The following CCDC74B variants were observed in gnomAD, a reference collection of about 807,000 sequenced individuals.
CCDC74B encodes coiled-coil domain containing 74B, also known as coiled-coil domain-containing protein 74B.
A neutral mutation model predicts 38.0 loss-of-function variants in CCDC74B; 34 were observed. That is an observed-to-expected ratio of 0.89 (90% CI 0.68 to 1.19). The LOEUF (loss-of-function observed/expected upper bound fraction) is 1.19, where lower values mean the gene tolerates loss of function less well. Among genes scored for constraint, CCDC74B ranks in the 50% most tolerant of loss-of-function variants. The pLI is 0.00. For missense variants in CCDC74B, 358 were observed against 406.0 expected, an observed-to-expected ratio of 0.88 and a Z score of 1.02; for synonymous variants, 132 against 170.4, an observed-to-expected ratio of 0.77 and a Z score of 1.76.
chr2:130,142,647 C>T (rs976180457), intron 2 of CCDC74B: 3 of 1,542,808 alleles, frequency 1.9e-6, no homozygotes, highest in Non-Finnish European at 2.6e-6. Context: ...ATCCACCAGT[C>T]AGATGTCCTC....
intron 1 of CCDC74B, 30 bp downstream of exon 1, chr2:130,144,717 G>A (rs1226245882): frequency 3.1e-6 from 5 of 1,609,064 alleles, no homozygotes; most frequent in East Asian, 2.2e-5. Context: ...TGGGGAGGCA[G>A]GGCCGGCCTA....
At chr2:130,142,107 G>C (rs372365368) in intron 3 of CCDC74B, 26 bp downstream of exon 3, 1 of 1,608,826 alleles carries the variant, frequency 6.2e-7, no homozygotes, top group Non-Finnish European at 8.5e-7. Context: ...TCACCCCTGT[G>C]AGCACATGGA....
At position 130,145,102 on chromosome 2, in the gene CCDC74B, C is replaced by A. The variant is rs1473042084; in HGVS notation, c.-106G>T. On this transcript the variant is annotated 5_prime_UTR_variant, in exon 1 of 8. Transcript: ENST00000409943. Reference sequence around the variant, plus strand: ...CATGGAAACCGGGCGACGGAGGGCGCCAGGCGTTTGGCGGGGGCGGGGCCT... The same window carrying A: ...CATGGAAACCGGGCGACGGAGGGCGACAGGCGTTTGGCGGGGGCGGGGCCT... 7.1e-6 allele frequency: 10 copies of A among 1,399,090 alleles called. No individual in the cohort carries two copies. The highest frequency in any genetic ancestry group is 4.6e-5 in the African/African-American group (3 of 65,252). 86.7% of individuals were successfully genotyped at this position (1,399,090 alleles called of 1,614,324 possible). A position where few individuals can be genotyped will look rare whatever the true frequency, so the allele number is the denominator to read the frequency against.
chr2:130,141,301 A>G lies in CCDC74B; in HGVS notation c.347-5T>C, dbSNP rs1685610496. The G allele has an allele frequency of 6.2e-7, 1 of 1,609,184 alleles. No individual in the cohort carries two copies. The highest frequency in any genetic ancestry group is 1.3e-5 in the African/African-American group (1 of 74,762). ...CGGGCTGGGGCCTGGCCTTGCCTTG[A>G]GAGTTGGCTGCAAGTCAGACCCTAC... On this transcript the variant is annotated splice_region_variant and splice_polypyrimidine_tract_variant and intron_variant, in intron 3 of 7. Transcript: ENST00000409943.
At chr2:130,143,537 C>A (rs1284698078) in intron 1 of CCDC74B, among the ~76,000 whole-genome samples, 1 of 152,232 alleles carries the variant, frequency 6.6e-6, no homozygotes, top group East Asian at 1.9e-4. Flanking sequence ...CCTGGCATAT[C>A]AGCCTCATCC....
At position 130,144,200 on chromosome 2, in the gene CCDC74B, CAA is replaced by C. The variant is rs1573642020; in HGVS notation, c.250+545_250+546del. On this transcript the variant is annotated intron_variant, in intron 1 of 7. Coordinates refer to ENST00000409943, the MANE Select transcript of CCDC74B (RefSeq NM_001258307.2). ...TGTCACCGAGGCTGGAGTGCAGTGGCAAGATCTCGGCTCACTGCAAGCTCCGC... is the reference window on the plus strand; with the variant it reads ...TGTCACCGAGGCTGGAGTGCAGTGGCGATCTCGGCTCACTGCAAGCTCCGC... Among the ~76,000 whole-genome samples, 12 of 152,264 alleles carry C rather than the reference CAA, an allele frequency of 7.9e-5. No homozygotes were observed. In the East Asian group the frequency reaches 2.3e-3, roughly 29 times the overall value.
At chr2:130,143,809 A>T (rs1433272823) in intron 1 of CCDC74B, among the ~76,000 whole-genome samples, 1 of 151,596 alleles carries the variant, frequency 6.6e-6, no homozygotes, top group Non-Finnish European at 1.5e-5. Flanking sequence ...GGGGCGGGAG[A>T]GGAGGCCGCG....
chr2:130,145,060 G>T lies in CCDC74B; in HGVS notation c.-64C>A. 7.1e-7 allele frequency: 1 copy of T among 1,400,772 alleles called. No homozygotes were observed. Among genetic ancestry groups the T allele is most frequent in the Non-Finnish European group, 9.3e-7 (1 of 1,075,426 alleles). The allele number at this position is 1,400,772 out of a possible 1,614,324, so 86.8% of individuals were successfully genotyped here. A position where few individuals can be genotyped will look rare whatever the true frequency, so the allele number is the denominator to read the frequency against. On this transcript the variant is annotated 5_prime_UTR_variant, in exon 1 of 8. Coordinates refer to ENST00000409943, the MANE Select transcript of CCDC74B (RefSeq NM_001258307.2). ...CCGGCTCAGTGGCCAGGCCGCCCTA[G>T]CCTGGCGCCCCGTCACCATGGAAAC...
chr2:130,139,971 T>C, intron 6 of CCDC74B, 24 bp from the exon 7 acceptor site: 12 of 1,608,206 alleles, frequency 7.5e-6, no homozygotes, highest in Non-Finnish European at 1.0e-5. Context: ...GAGTCAGCAG[T>C]GAGCTGTGGA....
At position 130,142,192 on chromosome 2, in the gene CCDC74B, G is replaced by A. The variant is rs1209256847; in HGVS notation, c.296-9C>T. On this transcript the variant is annotated splice_polypyrimidine_tract_variant and intron_variant, in intron 2 of 7. Coordinates refer to ENST00000409943, the MANE Select transcript of CCDC74B (RefSeq NM_001258307.2). ...TGACGTGGAGAGGCTGTCTGCAGGA[G>A]AGCGCACAGTGTCGGCGCTACCGCC... 1.2e-6 allele frequency: 2 copies of A among 1,613,302 alleles called. No individual in the cohort carries two copies.
rs1573633651 is a variant in CCDC74B, at chr2:130,141,282, G to A, written c.361C>T (p.Gln121Ter). 6.2e-7 allele frequency: 1 copy of A among 1,609,478 alleles called. No individual in the cohort carries two copies. The highest frequency in any genetic ancestry group is 8.5e-7 in the Non-Finnish European group (1 of 1,177,174). ...TCTTGCTTGTTGAAGGAGCCGGGCT[G>A]GGGCCTGGCCTTGCCTTGAGAGTTG... Reference protein sequence around the residue: ...SISNSGKARPQPGSFNKQDSK... With the variant: ...SISNSGKARP The change falls in exon 4 of 8, where the codon CAG (glutamine) becomes TAG (stop). Residue 121 changes from glutamine (Q) to a stop codon, truncating the protein, a stop_gained. Coordinates refer to ENST00000409943, the MANE Select transcript of CCDC74B (RefSeq NM_001258307.2). LOFTEE classifies it high-confidence loss of function.
At chr2:130,143,624 C>A (rs1685817301) in intron 1 of CCDC74B, among the ~76,000 whole-genome samples, 1 of 152,186 alleles carries the variant, frequency 6.6e-6, no homozygotes, top group South Asian at 2.1e-4. Flanking sequence ...ACTCTGGAAT[C>A]CCTGGCTATG....
At position 130,145,071 on chromosome 2, in the gene CCDC74B, C is replaced by A. The variant is rs956608359; in HGVS notation, c.-75G>T. 1.9e-5 allele frequency: 27 copies of A among 1,397,120 alleles called. No individual in the cohort carries two copies. The African/African-American group carries it at 3.4e-4, about 17-fold the overall frequency. The allele number at this position is 1,397,120 out of a possible 1,614,324, so 86.5% of individuals were successfully genotyped here. A position where few individuals can be genotyped will look rare whatever the true frequency, so the allele number is the denominator to read the frequency against. ...GCCAGGCCGCCCTAGCCTGGCGCCCCGTCACCATGGAAACCGGGCGACGGA... is the reference window on the plus strand; with the variant it reads ...GCCAGGCCGCCCTAGCCTGGCGCCCAGTCACCATGGAAACCGGGCGACGGA... On this transcript the variant is annotated 5_prime_UTR_variant, in exon 1 of 8. Transcript: ENST00000409943.
intron 2 of CCDC74B, 183 bp downstream of exon 2, chr2:130,143,086 C>T: frequency 2.0e-6 from 3 of 1,486,426 alleles, no homozygotes; most frequent in Non-Finnish European, 2.7e-6. Context: ...ACGTGCTGTG[C>T]TTGGCTGCGT....
In CCDC74B at chr2:130,144,787, C is replaced by T. The variant is rs201420145; in HGVS notation, c.210G>A (p.Lys70=). ...TCAGATGCTCGATCTCCTCATGGAG[C>T]TTGGCCAGCATCTCCGAGTGCTGCT... ...LQQQHSEMLA[K]LHEEIEHLKR... The change falls in exon 1 of 8, where the codon AAG becomes AAA. Residue 70 remains lysine (K), a synonymous_variant. Transcript: ENST00000409943. 12 of 1,613,370 alleles carry T rather than the reference C, an allele frequency of 7.4e-6. No homozygotes were observed. The highest frequency in any genetic ancestry group is 2.2e-5 in the South Asian group (2 of 91,068).
Position 130,141,153 on chromosome 2 carries a change from C to G in CCDC74B, c.485+5G>C, listed in dbSNP as rs200316470. 87 of 1,612,678 alleles carry G rather than the reference C, an allele frequency of 5.4e-5. No homozygotes were observed. The Middle Eastern group carries it at 6.7e-4, about 12-fold the overall frequency. On this transcript the variant is annotated splice_donor_5th_base_variant and intron_variant, in intron 4 of 7. Transcript: ENST00000409943. ...CCTTGCACCCCAGGAACACCCAAGC[C>G]TTACCTGGCCTGCCCTTGTACCCCA...
intron 1 of CCDC74B, chr2:130,144,262 C>T (rs544429847): frequency 5.0e-6 from 2 of 396,606 alleles, no homozygotes; most frequent in Non-Finnish European, 9.7e-6. Context: ...GCCTCAGCCT[C>T]CCGAGTAGCT....
chr2:130,139,906 C>G lies in CCDC74B; in HGVS notation c.794G>C (p.Ser265Thr), dbSNP rs765400933. The G allele has an allele frequency of 2.5e-5, 40 of 1,612,298 alleles. No homozygotes were observed. Among genetic ancestry groups the G allele is most frequent in the Admixed American group, 1.0e-4 (6 of 59,802 alleles). Residue 265 changes from serine to threonine, a missense_variant, in exon 7 of 8, where the codon AGC becomes ACC. Ser to Thr is a moderately conservative substitution (Grantham distance 58). Around this residue, in one of 3 missense-constraint regions of CCDC74B, gnomAD observed 213 missense variants for 212.3 expected, o/e 1.00. Transcript: ENST00000409943. ...ATHFPKVSTK[S>T]LSKKCLLLSP... ...TGGGACTTACCATTTCTTGGAGAGG[C>G]TCTTGGTGGAGACCTTGGGGAAATG...
At chr2:130,142,739 T>G in intron 2 of CCDC74B, 1 of 1,548,660 alleles carries the variant, frequency 6.5e-7, no homozygotes, top group Non-Finnish European at 8.7e-7. Flanking sequence ...TGGGGGCCGC[T>G]GTCAGGATGG....
Sources: gnomAD v4.1 joint callset for allele counts (sites outside exome capture counted in the v4.1 genomes callset) on GRCh38, gnomAD v4.1.1 for gene constraint, gnomAD v4.1.1 regional missense constraint, MANE v1.5 for transcripts, NCBI Gene and HGNC (gene_info 2026-07-23, HGNC 2026-07-21) for gene names.